The following VPS13B variants were observed in gnomAD, a reference collection of about 807,000 sequenced individuals.
VPS13B encodes intermembrane lipid transfer protein VPS13B.
In VPS13B, 285 loss-of-function variants were observed where a neutral mutation model predicts 426.4. That is an observed-to-expected ratio of 0.67 (90% CI 0.61 to 0.74). The LOEUF is 0.74. VPS13B is among the 30% of genes least tolerant of loss of function. The pLI is 0.00. For missense variants in VPS13B, 4,537 were observed against 4,782.6 expected (o/e 0.95, Z 1.51); for synonymous variants, 1,676 against 1,676.4 (o/e 1.00, Z 0.01).
chr8:99,412,875 A>G (rs908322457), intron 21 of VPS13B, among the ~76,000 whole-genome samples: 1 of 152,026 alleles, frequency 6.6e-6, no homozygotes, highest in African/African-American at 2.4e-5. Flanking sequence ...TGATTTGCGT[A>G]TGTTGAACCA....
intron 33 of VPS13B, among the ~76,000 whole-genome samples, chr8:99,613,490 C>T (rs1349918918): frequency 1.3e-5 from 2 of 152,164 alleles, no homozygotes; most frequent in Non-Finnish European, 2.9e-5. Context: ...GCAAGAGCAG[C>T]GACTATACTT....
chr8:99,418,503 CTTTCTT>C (rs1192489930), intron 21 of VPS13B, among the ~76,000 whole-genome samples: 1 of 130,572 alleles, frequency 7.7e-6, no homozygotes. Context: ...TTCTTTCTTT[CTTTCTT>C]TCTTTCCTTT....
chr8:99,122,326 C>A (rs952449145), intron 8 of VPS13B, among the ~76,000 whole-genome samples: 1 of 151,720 alleles, frequency 6.6e-6, no homozygotes. Flanking sequence ...ATGTAAAATA[C>A]CTGTTCTTAT....
chr8:99,551,391 C>T (rs1824276122), intron 30 of VPS13B, among the ~76,000 whole-genome samples: 1 of 151,848 alleles, frequency 6.6e-6, no homozygotes, highest in Admixed American at 6.6e-5. Flanking sequence ...TTAGGTGTGC[C>T]TCATAAAAAA....
At chr8:99,861,299 T>C (rs1051131282) in intron 57 of VPS13B, among the ~76,000 whole-genome samples, 5 of 152,176 alleles carry the variant, frequency 3.3e-5, no homozygotes, top group African/African-American at 1.2e-4. Flanking sequence ...CTTTTTCATT[T>C]TATTGTATCT....
chr8:99,859,554 G>A, intron 57 of VPS13B, 74 bp downstream of exon 57: 1 of 1,569,666 alleles, frequency 6.4e-7, no homozygotes, highest in Non-Finnish European at 8.6e-7. Context: ...ATGTGCTAAA[G>A]TTTTAAATGC....
intron 19 of VPS13B, among the ~76,000 whole-genome samples, chr8:99,380,565 C>T (rs1409484905): frequency 1.3e-5 from 2 of 151,550 alleles, no homozygotes; most frequent in African/African-American, 4.8e-5. Flanking sequence ...GTTCTGGGCC[C>T]ATGGAAAAAA....
chr8:99,629,508 T>C (rs1009794110), intron 33 of VPS13B, among the ~76,000 whole-genome samples: 54 of 152,194 alleles, frequency 3.5e-4, no homozygotes, highest in African/African-American at 1.2e-3. Flanking sequence ...TCTACAGCAT[T>C]GTAGGGAAGA....
intron 20 of VPS13B, among the ~76,000 whole-genome samples, chr8:99,390,243 A>G (rs1352424411): frequency 6.6e-6 from 1 of 151,476 alleles, no homozygotes; most frequent in African/African-American, 2.4e-5. Flanking sequence ...GACTACAGGC[A>G]CCCGCCACCA....
intron 25 of VPS13B, among the ~76,000 whole-genome samples, chr8:99,491,954 G>C (rs1420850643): frequency 1.3e-5 from 2 of 152,076 alleles, no homozygotes; most frequent in Non-Finnish European, 2.9e-5. Context: ...TCTGGTTTTT[G>C]GAATTTTCAG....
intron 34 of VPS13B, among the ~76,000 whole-genome samples, chr8:99,658,824 G>A (rs1291943155): frequency 6.6e-6 from 1 of 151,800 alleles, no homozygotes; most frequent in Non-Finnish European, 1.5e-5. Flanking sequence ...TTTTGTTTTT[G>A]TTTTTATTTG....
intron 5 of VPS13B, among the ~76,000 whole-genome samples, chr8:99,107,834 C>A (rs1847125744): frequency 6.6e-6 from 1 of 152,116 alleles, no homozygotes; most frequent in African/African-American, 2.4e-5. Flanking sequence ...ATTAATATTT[C>A]TTTTTATTCC....
Position 99,660,705 on chromosome 8 carries a change from A to G in VPS13B, c.5909-649A>G, listed in dbSNP as rs138440384. On this transcript the variant is annotated intron_variant, in intron 34 of 61. Coordinates refer to ENST00000357162, the MANE Select transcript of VPS13B (RefSeq NM_152564.5). ...TTTTAAAAAATATACAATATTACCC[A>G]GAAAATTTTAAAAATACATAGTATT... 5.0e-3 allele frequency among the ~76,000 whole-genome samples: 764 copies of G among 152,148 alleles called. 3 individuals are homozygous for G. The highest frequency in any genetic ancestry group is 0.018 in the African/African-American group (733 of 41,576).
chr8:99,398,309 G>C (rs1814848588), intron 21 of VPS13B, among the ~76,000 whole-genome samples: 1 of 152,168 alleles, frequency 6.6e-6, no homozygotes, highest in Non-Finnish European at 1.5e-5. Context: ...AATGGAGGGA[G>C]TTCAGAAGCA....
At chr8:99,581,289 A>C (rs1301302499) in intron 33 of VPS13B, among the ~76,000 whole-genome samples, 5 of 152,198 alleles carry the variant, frequency 3.3e-5, no homozygotes, top group Non-Finnish European at 5.9e-5. Context: ...TAGAAGTGAA[A>C]ACCGTAAAGT....
chr8:99,363,598 A>G lies in VPS13B; in HGVS notation c.2825-20610A>G, dbSNP rs1028483345. ...TTAACAATATTGATTCTTCTAATCC[A>G]TGAACATGAAATATATTTTTATTTT... On this transcript the variant is annotated intron_variant, in intron 19 of 61. Transcript: ENST00000357162. 3.9e-5 allele frequency among the ~76,000 whole-genome samples: 6 copies of G among 152,336 alleles called. No individual in the cohort carries two copies. The East Asian group carries it at 9.6e-4, about 24-fold the overall frequency.
chr8:99,310,664 T>C (rs1233337131), intron 19 of VPS13B, among the ~76,000 whole-genome samples: 1 of 152,220 alleles, frequency 6.6e-6, no homozygotes, highest in Non-Finnish European at 1.5e-5. Flanking sequence ...TTGTTGTGTC[T>C]ATTCCAGTCT....
At chr8:99,089,827 C>T (rs1039511161) in intron 3 of VPS13B, among the ~76,000 whole-genome samples, 5 of 152,036 alleles carry the variant, frequency 3.3e-5, no homozygotes, top group African/African-American at 1.2e-4. Context: ...TAGATTTTCC[C>T]CACAAGAGAC....
At chr8:99,610,576 A>G (rs1383278050) in intron 33 of VPS13B, among the ~76,000 whole-genome samples, 1 of 143,310 alleles carries the variant, frequency 7.0e-6, no homozygotes. Flanking sequence ...ATCACACACC[A>G]GGGCCTGTCA....
Sources: gnomAD v4.1 joint callset for allele counts (sites outside exome capture counted in the v4.1 genomes callset) on GRCh38, gnomAD v4.1.1 for gene constraint, MANE v1.5 for transcripts, NCBI Gene and HGNC (gene_info 2026-07-23, HGNC 2026-07-21) for gene names.